The following ATXN1 variants were observed in gnomAD, a reference collection of about 807,000 sequenced individuals.
ATXN1 encodes ataxin-1.
Under a neutral mutation model 56.4 loss-of-function variants are expected in ATXN1, and 8 were observed. The observed-to-expected ratio is 0.14, with a 90% CI of 0.08 to 0.26. The LOEUF is 0.26. Among genes scored for constraint, ATXN1 ranks in the 10% least tolerant of loss-of-function variants. The pLI is 1.00. For missense variants in ATXN1, 987 were observed against 1,106.5 expected (o/e 0.89, Z 1.53); for synonymous variants, 514 against 494.6 (o/e 1.04, Z -0.52).
chr6:16,497,216 T>C (rs1760796898), intron 5 of ATXN1, among the ~76,000 whole-genome samples: 1 of 152,102 alleles, frequency 6.6e-6, no homozygotes. Flanking sequence ...TCAAGTGTTG[T>C]GTGTGGGAGG....
chr6:16,520,997 T>C (rs1037005083), intron 5 of ATXN1, among the ~76,000 whole-genome samples: 1 of 152,130 alleles, frequency 6.6e-6, no homozygotes, highest in African/African-American at 2.4e-5. Context: ...GATAAAATAA[T>C]AAACACAAGC....
chr6:16,317,406 C>A (rs1035248828), intron 7 of ATXN1, among the ~76,000 whole-genome samples: 4 of 151,918 alleles, frequency 2.6e-5, no homozygotes, highest in African/African-American at 9.7e-5. Flanking sequence ...TTCACGGTAA[C>A]CTCTGCCTCC....
At chr6:16,614,294 C>T (rs558480436) in intron 3 of ATXN1, among the ~76,000 whole-genome samples, 21 of 150,302 alleles carry the variant, frequency 1.4e-4, no homozygotes, top group Non-Finnish European at 2.9e-4. Flanking sequence ...GTACATGACT[C>T]TTTCTTAAGA....
intron 4 of ATXN1, among the ~76,000 whole-genome samples, chr6:16,576,665 A>G (rs1197951622): frequency 2.6e-5 from 4 of 152,202 alleles, no homozygotes. Context: ...ATTAATGTCA[A>G]TGTGTCTTTT....
At chr6:16,474,211 C>A (rs1760278662) in intron 6 of ATXN1, among the ~76,000 whole-genome samples, 1 of 152,226 alleles carries the variant, frequency 6.6e-6, no homozygotes, top group Non-Finnish European at 1.5e-5. Context: ...GGAGTTTCCC[C>A]ATCCTTTGAA....
At chr6:16,699,316 G>A (rs1447094713) in intron 2 of ATXN1, among the ~76,000 whole-genome samples, 1 of 152,156 alleles carries the variant, frequency 6.6e-6, no homozygotes, top group Non-Finnish European at 1.5e-5. Flanking sequence ...ACCATTCAAT[G>A]TTTTACAAAT....
At chr6:16,694,006 A>G (rs975720729) in intron 2 of ATXN1, among the ~76,000 whole-genome samples, 1 of 152,256 alleles carries the variant, frequency 6.6e-6, no homozygotes, top group African/African-American at 2.4e-5. Context: ...GCAGAAATAC[A>G]AAAGTCAAAA....
chr6:16,734,214 C>A (rs1297152577), intron 2 of ATXN1, among the ~76,000 whole-genome samples: 1 of 152,154 alleles, frequency 6.6e-6, no homozygotes, highest in Non-Finnish European at 1.5e-5. Context: ...CTGTTTGCTA[C>A]AAAACATAGC....
At chr6:16,606,793 G>A (rs1265135145) in intron 3 of ATXN1, among the ~76,000 whole-genome samples, 1 of 151,316 alleles carries the variant, frequency 6.6e-6, no homozygotes, top group Non-Finnish European at 1.5e-5. Flanking sequence ...CTCCCGAAGT[G>A]CTGGGATTAC....
intron 3 of ATXN1, among the ~76,000 whole-genome samples, chr6:16,655,540 T>C (rs1242800316): frequency 6.6e-6 from 1 of 151,900 alleles, no homozygotes; most frequent in Admixed American, 6.6e-5. Flanking sequence ...CAGAAGTTCA[T>C]AAAGAGAGAC....
chr6:16,350,500 A>G (rs1761542887), intron 6 of ATXN1, among the ~76,000 whole-genome samples: 1 of 152,230 alleles, frequency 6.6e-6, no homozygotes. Context: ...CCAGAGCCTG[A>G]TATTTGATAC....
At chr6:16,536,684 A>T (rs1037983375) in intron 4 of ATXN1, among the ~76,000 whole-genome samples, 2 of 152,252 alleles carry the variant, frequency 1.3e-5, no homozygotes, top group Non-Finnish European at 2.9e-5. Flanking sequence ...AGTGAAAGGC[A>T]GCACTTTTGC....
intron 6 of ATXN1, among the ~76,000 whole-genome samples, chr6:16,339,170 G>A (rs1288189371): frequency 6.6e-6 from 1 of 152,174 alleles, no homozygotes; most frequent in Admixed American, 6.5e-5. Context: ...CACACAACAC[G>A]ATGCAAAGCG....
chr6:16,679,989 T>C (rs9396704), intron 2 of ATXN1, among the ~76,000 whole-genome samples: 2,078 of 152,360 alleles, frequency 0.014, 19 homozygotes, highest in East Asian at 0.023. Context: ...GTGATTGCTA[T>C]ATTATCTGCC....
intron 7 of ATXN1, among the ~76,000 whole-genome samples, chr6:16,314,583 C>T (rs961136369): frequency 2.0e-5 from 3 of 151,954 alleles, no homozygotes; most frequent in Non-Finnish European, 2.9e-5. Flanking sequence ...TGGGTATTCT[C>T]TATGATGCTG....
chr6:16,378,378 G>A (rs1181671485), intron 6 of ATXN1, among the ~76,000 whole-genome samples: 7 of 152,050 alleles, frequency 4.6e-5, no homozygotes, highest in South Asian at 2.1e-4. Context: ...TCAGATAGGC[G>A]TTAGGCCCAC....
At chr6:16,513,643 G>A (rs16878307) in intron 5 of ATXN1, among the ~76,000 whole-genome samples, 16,840 of 152,124 alleles carry the variant, frequency 0.11, 1,116 homozygotes, top group Middle Eastern at 0.16. Context: ...GATCAAGAGC[G>A]TCACGTGTCT....
At chr6:16,432,408 T>G (rs919636050) in intron 6 of ATXN1, among the ~76,000 whole-genome samples, 2 of 152,264 alleles carry the variant, frequency 1.3e-5, no homozygotes, top group Non-Finnish European at 2.9e-5. Context: ...TTGTAGAACC[T>G]CTATACTAAA....
intron 5 of ATXN1, among the ~76,000 whole-genome samples, chr6:16,513,852 G>A (rs2237186): frequency 0.11 from 16,849 of 152,110 alleles, 1,354 homozygotes; most frequent in East Asian, 0.37. Context: ...TCTGCCCAGA[G>A]GTGGCTGCTC....
Sources: gnomAD v4.1 joint callset for allele counts (sites outside exome capture counted in the v4.1 genomes callset) on GRCh38, gnomAD v4.1.1 for gene constraint, MANE v1.5 for transcripts, NCBI Gene and HGNC (gene_info 2026-07-23, HGNC 2026-07-21) for gene names.